The following CFAP43 variants were observed in gnomAD, a reference collection of about 807,000 sequenced individuals.
CFAP43 encodes the protein cilia and flagella associated protein 43.
A neutral mutation model predicts 218.9 loss-of-function variants in CFAP43; 155 were observed. The observed-to-expected ratio is 0.71, with a 90% CI of 0.62 to 0.81. The LOEUF is 0.81. CFAP43 is among the 30% of genes least tolerant of loss of function. The pLI, the probability that CFAP43 is intolerant of heterozygous loss-of-function variation, is 0.00. For missense variants in CFAP43, 1,778 were observed against 1,954.3 expected (o/e 0.91, Z 1.70); for synonymous variants, 645 against 681.3 (o/e 0.95, Z 0.83).
At chr10:104,132,227 AT>A in intron 35 of CFAP43, 31 bp from the exon 36 acceptor site, 1 of 1,462,388 alleles carries the variant, frequency 6.8e-7, no homozygotes. Flanking sequence ...ATGTAAGGAT[AT>A]TTTTCTCTCT....
rs2090426587 is a variant in CFAP43 at position 104,198,014 on chromosome 10, CAAAAGT to C, written c.1114_1119del (p.Thr372_Phe373del). On this transcript the variant is annotated inframe_deletion, in exon 9 of 38. Transcript: ENST00000357060. ...ACTTTATTTAAGGTTGGCTCCTTACCAAAAGTGTAGATATAAACAGATCCCTGATAA... is the reference window on the plus strand; with the variant it reads ...ACTTTATTTAAGGTTGGCTCCTTACCGTAGATATAAACAGATCCCTGATAA... The C allele has an allele frequency of 2.1e-5, 34 of 1,611,378 alleles. No homozygotes were observed. The highest frequency in any genetic ancestry group is 2.7e-5 in the Non-Finnish European group (32 of 1,177,962).
Position 104,230,768 on chromosome 10 carries a change from A to C in CFAP43, c.141T>G (p.Tyr47Ter). 6.2e-7 allele frequency: 1 copy of C among 1,614,032 alleles called. No homozygotes were observed. Among genetic ancestry groups the C allele is most frequent in the East Asian group, 2.2e-5 (1 of 44,874 alleles). ...DNTICYPCGN[Y>*]VIFINIETKK... is the part of the protein sequence containing the mutation. ...TGGTTTCAATATTAATAAATATTAC[A>C]TAATTCCCACAAGGGTAGCAAATGG... The change falls in exon 2 of 38, where the codon TAT becomes TAG. Residue 47 changes from tyrosine to a stop codon, truncating the protein, a stop_gained. Coordinates refer to ENST00000357060, the MANE Select transcript of CFAP43 (RefSeq NM_025145.7). LOFTEE classifies it high-confidence loss of function.
intron 28 of CFAP43, among the ~76,000 whole-genome samples, chr10:104,150,464 T>C (rs1242054732): frequency 6.6e-6 from 1 of 152,168 alleles, no homozygotes; most frequent in African/African-American, 2.4e-5. Context: ...TTACAACACA[T>C]TTGCCACTCC....
chr10:104,193,601 T>C (rs773048203), intron 11 of CFAP43: 8 of 381,656 alleles, frequency 2.1e-5, no homozygotes, highest in Admixed American at 4.1e-5. Flanking sequence ...GAAGTGCTTA[T>C]TATGTTTTGC....
chr10:104,218,452 T>G (rs1468448538), intron 3 of CFAP43, among the ~76,000 whole-genome samples: 1 of 151,940 alleles, frequency 6.6e-6, no homozygotes, highest in Admixed American at 6.6e-5. Flanking sequence ...AATAATGTGT[T>G]TGTCCTTCCT....
chr10:104,182,617 T>C (rs2089889742), intron 16 of CFAP43, 104 bp from the exon 17 acceptor site: 2 of 1,124,368 alleles, frequency 1.8e-6, no homozygotes, highest in Non-Finnish European at 1.2e-6. Context: ...AGTTTATAGG[T>C]AACTAACCAA....
intron 19 of CFAP43, among the ~76,000 whole-genome samples, chr10:104,175,003 C>T (rs1270107344): frequency 6.6e-6 from 1 of 151,330 alleles, no homozygotes; most frequent in East Asian, 1.9e-4. Context: ...TGCAGTGAGC[C>T]GAGATCATGC....
chr10:104,179,239 G>T, intron 18 of CFAP43, 133 bp from the exon 19 acceptor site: 1 of 665,498 alleles, frequency 1.5e-6, no homozygotes, highest in Non-Finnish European at 2.5e-6. Flanking sequence ...TGTACATGAA[G>T]TAATACCACT....
intron 20 of CFAP43, among the ~76,000 whole-genome samples, chr10:104,169,648 C>T (rs1383304233): frequency 6.6e-6 from 1 of 151,952 alleles, no homozygotes; most frequent in Non-Finnish European, 1.5e-5. Context: ...TATTAGCAAA[C>T]TAGATAAGAC....
In CFAP43 at chr10:104,230,578, T is replaced by C. The variant is rs943959665; in HGVS notation, c.319+12A>G. 6 of 1,610,190 alleles carry C rather than the reference T, an allele frequency of 3.7e-6. No homozygotes were observed. The highest frequency in any genetic ancestry group is 2.2e-5 in the South Asian group (2 of 90,070). On this transcript the variant is annotated intron_variant, in intron 2 of 37. Transcript: ENST00000357060. ...CTTCAATTATGGGCAGAGGAAGGGT[T>C]CTCTAGAATACCTTTCAATTTGGTC...
chr10:104,193,952 C>A lies in CFAP43; in HGVS notation c.1356G>T (p.Ser452=). The change falls in exon 11 of 38, where the codon TCG becomes TCT. Residue 452 remains serine, a synonymous_variant. Coordinates refer to ENST00000357060, the MANE Select transcript of CFAP43 (RefSeq NM_025145.7). The part of the protein sequence containing the change: ...LSAAVGTEDG[S]VYFISVYDKE... ...TATCATATACGCTGATGAAGTAGACCGAGCCATCCTCCGTGCCCACGGCTG... is the reference window on the plus strand; with the variant it reads ...TATCATATACGCTGATGAAGTAGACAGAGCCATCCTCCGTGCCCACGGCTG... 1 of 1,614,018 alleles carries A rather than the reference C, an allele frequency of 6.2e-7. No homozygotes were observed. Among genetic ancestry groups the A allele is most frequent in the Non-Finnish European group, 8.5e-7 (1 of 1,180,010 alleles).
At chr10:104,152,418 T>G (rs999181226) in intron 28 of CFAP43, among the ~76,000 whole-genome samples, 189 bp downstream of exon 28, 2 of 151,964 alleles carry the variant, frequency 1.3e-5, no homozygotes, top group Non-Finnish European at 2.9e-5. Flanking sequence ...GTATTGGGTG[T>G]GTTCAAGATG....
rs1734226450 is a variant in CFAP43, at chr10:104,185,075, A to T, written c.2082T>A (p.Asp694Glu). The stretch of plus-strand genomic sequence containing the variant: ...TCCCATTCACCAGAATGTTTTGTCC[A>T]TCCATTGAAATTCTCATTGACTGAA... ...HGIQSMRISM[D>E]GQNILVNGRD... The change falls in exon 16 of 38, where the codon GAT (aspartate) becomes GAA (glutamate). Residue 694 changes from aspartate to glutamate, a missense_variant. Asp to Glu is a conservative substitution (Grantham distance 45). Around this residue, in one of 3 missense-constraint regions of CFAP43, gnomAD observed 1,553 missense variants for 1,685.2 expected, o/e 0.92. Coordinates refer to ENST00000357060, the MANE Select transcript of CFAP43 (RefSeq NM_025145.7). The T allele has an allele frequency of 1.2e-6, 2 of 1,614,024 alleles. No individual in the cohort carries two copies. Among genetic ancestry groups the T allele is most frequent in the Non-Finnish European group, 1.7e-6 (2 of 1,180,028 alleles).
Position 104,185,066 on chromosome 10 carries a change from G to A in CFAP43, c.2091C>T (p.Asn697=). The A allele has an allele frequency of 6.2e-7, 1 of 1,614,130 alleles. No homozygotes were observed. The highest frequency in any genetic ancestry group is 8.5e-7 in the Non-Finnish European group (1 of 1,180,010). ...QSMRISMDGQ[N]ILVNGRDDGT... is the part of the protein sequence containing the mutation. ...CATCATCTCTCCCATTCACCAGAAT[G>A]TTTTGTCCATCCATTGAAATTCTCA... Residue 697 remains asparagine (N), a synonymous_variant, in exon 16 of 38, where the codon AAC becomes AAT. Coordinates refer to ENST00000357060, the MANE Select transcript of CFAP43 (RefSeq NM_025145.7).
At chr10:104,164,041 C>A in intron 24 of CFAP43, 53 bp downstream of exon 24, 1 of 1,581,672 alleles carries the variant, frequency 6.3e-7, no homozygotes, top group Non-Finnish European at 8.7e-7. Context: ...CAAATAGGAG[C>A]TGGGGAAAGT....
intron 8 of CFAP43, among the ~76,000 whole-genome samples, chr10:104,202,965 A>C (rs1337124517): frequency 2.0e-5 from 3 of 152,184 alleles, no homozygotes; most frequent in Non-Finnish European, 2.9e-5. Context: ...AATATCTGCT[A>C]ATCTTGATGT....
chr10:104,136,642 C>T (rs1228751016), intron 34 of CFAP43, among the ~76,000 whole-genome samples: 2 of 152,120 alleles, frequency 1.3e-5, no homozygotes, highest in Non-Finnish European at 2.9e-5. Context: ...GCTGGGATTA[C>T]AGGCATGAGC....
chr10:104,191,032 A>G (rs2090193716), intron 12 of CFAP43, among the ~76,000 whole-genome samples: 1 of 152,236 alleles, frequency 6.6e-6, no homozygotes, highest in Admixed American at 6.5e-5. Context: ...GCATTCCTCA[A>G]TAAGTGTTGG....
chr10:104,175,060 A>AAAAC (rs143922332), intron 19 of CFAP43, among the ~76,000 whole-genome samples: 15,433 of 148,566 alleles, frequency 0.1, 859 homozygotes, highest in South Asian at 0.16. Flanking sequence ...GACTCCATCT[A>AAAAC]AAACAAACAA....
Sources: gnomAD v4.1 joint callset for allele counts (sites outside exome capture counted in the v4.1 genomes callset) on GRCh38, gnomAD v4.1.1 for gene constraint, gnomAD v4.1.1 regional missense constraint, MANE v1.5 for transcripts, NCBI Gene and HGNC (gene_info 2026-07-23, HGNC 2026-07-21) for gene names.